The following SMCHD1 variants were observed in gnomAD, a reference collection of about 807,000 sequenced individuals.
The protein encoded by SMCHD1 is structural maintenance of chromosomes flexible hinge domain-containing protein 1.
Under a neutral mutation model 254.7 loss-of-function variants are expected in SMCHD1, and 78 were observed. The observed-to-expected ratio is 0.31, with a 90% CI of 0.26 to 0.37. SMCHD1 has a LOEUF of 0.37. SMCHD1 is among the 10% of genes least tolerant of loss of function. The probability of loss-of-function intolerance (pLI) is 1.00; values close to 1 mark genes in which losing one functional copy is unlikely to be tolerated. For missense variants in SMCHD1, 1,840 were observed against 2,408.1 expected, an observed-to-expected ratio of 0.76 and a Z score of 4.94; for synonymous variants, 766 against 794.9, an observed-to-expected ratio of 0.96 and a Z score of 0.61.
In SMCHD1 at chr18:2,700,774, A is replaced by G. The variant is rs1461020176; in HGVS notation, c.1503A>G (p.Ala501=). Reference sequence around the variant, plus strand: ...CTCCTCCTAAGAAGAGAGGGCTTGCACCAATTGAATGCTACAATAGGATAT... The same window carrying G: ...CTCCTCCTAAGAAGAGAGGGCTTGCGCCAATTGAATGCTACAATAGGATAT... ...WCTPPKKRGL[A]PIECYNRISG... Residue 501 remains alanine (A), a synonymous_variant, in exon 12 of 48, where the codon GCA becomes GCG. Coordinates refer to ENST00000320876, the MANE Select transcript of SMCHD1 (RefSeq NM_015295.3). The G allele has an allele frequency of 1.2e-6, 2 of 1,613,188 alleles. No individual in the cohort carries two copies. Among genetic ancestry groups the G allele is most frequent in the Non-Finnish European group, 1.7e-6 (2 of 1,179,538 alleles).
intron 25 of SMCHD1, among the ~76,000 whole-genome samples, chr18:2,733,492 T>A (rs1313319770): frequency 6.6e-6 from 1 of 152,232 alleles, no homozygotes; most frequent in African/African-American, 2.4e-5. Flanking sequence ...GAGGGGAAAG[T>A]TGTTTTAACA....
At chr18:2,736,049 A>G (rs1199673679) in intron 25 of SMCHD1, among the ~76,000 whole-genome samples, 2 of 152,224 alleles carry the variant, frequency 1.3e-5, no homozygotes, top group African/African-American at 4.8e-5. Flanking sequence ...TGCTACTGGT[A>G]CAAAAACAAA....
At chr18:2,766,043 G>C (rs183481588) in intron 37 of SMCHD1, among the ~76,000 whole-genome samples, 39 of 145,334 alleles carry the variant, frequency 2.7e-4, no homozygotes, top group African/African-American at 9.2e-4. Flanking sequence ...ACCCAGGCTG[G>C]AGTGCAGTGG....
At chr18:2,719,118 C>T (rs999014636) in intron 19 of SMCHD1, among the ~76,000 whole-genome samples, 1 of 151,188 alleles carries the variant, frequency 6.6e-6, no homozygotes, top group African/African-American at 2.4e-5. Flanking sequence ...CCATGTACCT[C>T]GTATACCCTT....
At chr18:2,733,845 T>A (rs1169955069) in intron 25 of SMCHD1, among the ~76,000 whole-genome samples, 2 of 152,236 alleles carry the variant, frequency 1.3e-5, no homozygotes, top group African/African-American at 2.4e-5. Context: ...AAAAATAATT[T>A]ATCAAAATTC....
At chr18:2,667,160 C>G in intron 3 of SMCHD1, 129 bp downstream of exon 3, 1 of 703,502 alleles carries the variant, frequency 1.4e-6, no homozygotes, top group Non-Finnish European at 2.3e-6. Context: ...CATTTTCTTT[C>G]TTACTCAAAT....
rs976938924 is a variant in SMCHD1, at chr18:2,718,609, G to T, written c.2458+175G>T. Among the ~76,000 whole-genome samples, 1 of 152,168 alleles carries T rather than the reference G, an allele frequency of 6.6e-6. No individual in the cohort carries two copies. The highest frequency in any genetic ancestry group is 1.5e-5 in the Non-Finnish European group (1 of 68,028). On this transcript the variant is annotated intron_variant, in intron 19 of 47. Coordinates refer to ENST00000320876, the MANE Select transcript of SMCHD1 (RefSeq NM_015295.3). This position sits in a 1 kb window ranked among gnomAD's most constrained non-coding sequence, Gnocchi z 4.6. The stretch of plus-strand genomic sequence containing the variant: ...CTCATTCTGTCACCCAGGCTGGAGT[G>T]CAGTGGCACAATCTCGGCTCACTGC...
chr18:2,778,223 A>G lies in SMCHD1; in HGVS notation c.5531A>G (p.Asn1844Ser). ...TIILDNLDAANHYRKEVVKIT... is the reference protein window; with the variant it reads ...TIILDNLDAASHYRKEVVKIT... Reference sequence around the variant, plus strand: ...ATTTTGGATAATCTGGATGCGGCCAATCATTATAGAAAAGAGGTATGTATT... The same window carrying G: ...ATTTTGGATAATCTGGATGCGGCCAGTCATTATAGAAAAGAGGTATGTATT... Residue 1844 changes from asparagine to serine, a missense_variant, in exon 44 of 48, where the codon AAT (asparagine) becomes AGT (serine). Asn to Ser is a conservative substitution (Grantham distance 46). Around this residue, in one of 9 missense-constraint regions of SMCHD1, gnomAD observed 114 missense variants for 217.6 expected, o/e 0.52. Transcript: ENST00000320876. 6.2e-7 allele frequency: 1 copy of G among 1,608,096 alleles called. No homozygotes were observed.
At chr18:2,692,732 C>T (rs1266511948) in intron 7 of SMCHD1, among the ~76,000 whole-genome samples, 4 of 152,142 alleles carry the variant, frequency 2.6e-5, no homozygotes, top group South Asian at 4.1e-4. Flanking sequence ...CTGTCACCCT[C>T]GTTTTACCTC....
At chr18:2,740,533 G>A (rs919922297) in intron 27 of SMCHD1, among the ~76,000 whole-genome samples, 170 bp from the exon 28 acceptor site, 2 of 152,080 alleles carry the variant, frequency 1.3e-5, no homozygotes, top group Admixed American at 1.3e-4. Flanking sequence ...AATTCTTGAT[G>A]TTTATTTTGT....
intron 5 of SMCHD1, among the ~76,000 whole-genome samples, chr18:2,681,924 C>T (rs1163540639): frequency 6.6e-6 from 1 of 152,168 alleles, no homozygotes; most frequent in Non-Finnish European, 1.5e-5. Context: ...AATGGATCCC[C>T]AACAAGATTT....
At chr18:2,664,093 G>A (rs1028944562) in intron 1 of SMCHD1, among the ~76,000 whole-genome samples, 1 of 152,046 alleles carries the variant, frequency 6.6e-6, no homozygotes, top group African/African-American at 2.4e-5. Context: ...ATGAACCCCA[G>A]TGTACTCATC....
Position 2,656,216 on chromosome 18 carries a change from C to T in SMCHD1, c.141C>T (p.Val47=), listed in dbSNP as rs760432339. 2 of 1,505,164 alleles carry T rather than the reference C, an allele frequency of 1.3e-6. No homozygotes were observed. Among genetic ancestry groups the T allele is most frequent in the East Asian group, 5.4e-5 (2 of 36,930 alleles). 93.2% of individuals were successfully genotyped at this position (1,505,164 alleles called of 1,614,324 possible). Reference sequence around the variant, plus strand: ...AGCTCGGGGACCGGCCTCTGCAGGTCGGGGAGCGCTCGGACTACGCGGGAT... The same window carrying T: ...AGCTCGGGGACCGGCCTCTGCAGGTTGGGGAGCGCTCGGACTACGCGGGAT... ...ESELGDRPLQ[V]GERSDYAGFR... is the part of the protein sequence containing the mutation. The change falls in exon 1 of 48, where the codon GTC becomes GTT. Residue 47 remains valine (V), a synonymous_variant. Coordinates refer to ENST00000320876, the MANE Select transcript of SMCHD1 (RefSeq NM_015295.3).
intron 37 of SMCHD1, among the ~76,000 whole-genome samples, chr18:2,767,292 G>A (rs1302268190): frequency 6.6e-6 from 1 of 151,512 alleles, no homozygotes; most frequent in African/African-American, 2.4e-5. Flanking sequence ...ATGTACGTAA[G>A]CATATCTTAA....
At position 2,772,273 on chromosome 18, in the gene SMCHD1, G is replaced by A; in HGVS notation, c.5076G>A (p.Leu1692=). The change falls in exon 41 of 48, where the codon CTG becomes CTA. Residue 1692 remains leucine, a synonymous_variant. Transcript: ENST00000320876. ...AGGTGCCACACATTGAAGCACTTCT[G>A]AAAAGAAAGCTATCAGAACAAGAAG... ...TQQVPHIEAL[L]KRKLSEQEEL... 6.2e-7 allele frequency: 1 copy of A among 1,601,250 alleles called. No individual in the cohort carries two copies. Among genetic ancestry groups the A allele is most frequent in the Non-Finnish European group, 8.5e-7 (1 of 1,175,568 alleles).
chr18:2,676,176 A>G (rs2073744211), intron 5 of SMCHD1, among the ~76,000 whole-genome samples: 1 of 152,224 alleles, frequency 6.6e-6, no homozygotes. Context: ...AAAAGTACTA[A>G]ACAACTAACA....
At chr18:2,753,883 T>C (rs868622061) in intron 34 of SMCHD1, among the ~76,000 whole-genome samples, 2 of 152,086 alleles carry the variant, frequency 1.3e-5, no homozygotes, top group African/African-American at 2.4e-5. Context: ...TGTGGGTCTT[T>C]TCAGGTGTAA....
chr18:2,721,815 A>G (rs929360641), intron 19 of SMCHD1, among the ~76,000 whole-genome samples: 2 of 152,210 alleles, frequency 1.3e-5, no homozygotes, highest in African/African-American at 4.8e-5. Flanking sequence ...TTCATTTACT[A>G]TGCCCATTTT....
chr18:2,730,408 G>T (rs1372354725), intron 24 of SMCHD1, among the ~76,000 whole-genome samples: 2 of 152,102 alleles, frequency 1.3e-5, no homozygotes, highest in Non-Finnish European at 2.9e-5. Context: ...CTGAGCTCGT[G>T]ATCCACCCAC....
Sources: gnomAD v4.1 joint callset for allele counts (sites outside exome capture counted in the v4.1 genomes callset) on GRCh38, gnomAD v4.1.1 for gene constraint, gnomAD v4.1.1 regional missense constraint, Gnocchi (gnomAD v3.1) non-coding constraint, MANE v1.5 for transcripts, NCBI Gene and HGNC (gene_info 2026-07-23, HGNC 2026-07-21) for gene names.